The following APIP variants were observed in gnomAD, a reference collection of about 807,000 sequenced individuals.
APIP encodes the protein methylthioribulose-1-phosphate dehydratase.
A neutral mutation model predicts 32.0 loss-of-function variants in APIP; 32 were observed. The observed-to-expected ratio is 1.00, with a 90% CI of 0.76 to 1.34. The LOEUF is 1.34. Among genes scored for constraint, APIP ranks in the 40% most tolerant of loss-of-function variants. The pLI is 0.00. For missense variants in APIP, 247 were observed against 298.6 expected, an observed-to-expected ratio of 0.83 and a Z score of 1.27; for synonymous variants, 92 against 94.8, an observed-to-expected ratio of 0.97 and a Z score of 0.17.
At chr11:34,913,723 A>G (rs2133926688) in intron 1 of APIP, among the ~76,000 whole-genome samples, 1 of 152,258 alleles carries the variant, frequency 6.6e-6, no homozygotes, top group South Asian at 2.1e-4. Context: ...GCCAGCTTTT[A>G]TTCCCTTATT....
intron 1 of APIP, among the ~76,000 whole-genome samples, chr11:34,898,802 T>G (rs1853327984): frequency 1.5e-5 from 2 of 129,740 alleles, no homozygotes; most frequent in African/African-American, 5.9e-5. Flanking sequence ...TTTTTTTTTT[T>G]TTTTTTTTTT....
chr11:34,887,014 C>T (rs1853084503), intron 5 of APIP, among the ~76,000 whole-genome samples: 1 of 152,080 alleles, frequency 6.6e-6, no homozygotes, highest in African/African-American at 2.4e-5. Flanking sequence ...ATTTTAAACT[C>T]CATCCTTTCT....
At chr11:34,907,680 T>C (rs1054681691) in intron 1 of APIP, among the ~76,000 whole-genome samples, 1 of 152,222 alleles carries the variant, frequency 6.6e-6, no homozygotes, top group African/African-American at 2.4e-5. Context: ...AATGTCAATA[T>C]TACTTTCCTA....
chr11:34,901,548 C>T (rs1322153849), intron 1 of APIP, among the ~76,000 whole-genome samples: 1 of 152,300 alleles, frequency 6.6e-6, no homozygotes, highest in Non-Finnish European at 1.5e-5. Context: ...CAGGCCTCCC[C>T]TCTTCCCATA....
chr11:34,895,816 C>A (rs2217478), intron 1 of APIP, among the ~76,000 whole-genome samples: 3 of 151,636 alleles, frequency 2.0e-5, no homozygotes, highest in African/African-American at 7.3e-5. Flanking sequence ...GAAAAAAGAG[C>A]CCACACCATT....
At chr11:34,897,409 A>C (rs990069179) in intron 1 of APIP, among the ~76,000 whole-genome samples, 2 of 152,250 alleles carry the variant, frequency 1.3e-5, no homozygotes, top group Non-Finnish European at 2.9e-5. Context: ...TCAGCATGAA[A>C]TCTGACACAA....
In APIP at chr11:34,909,010, C is replaced by T. The variant is rs533053303; in HGVS notation, c.57+7218G>A. 2.6e-4 allele frequency among the ~76,000 whole-genome samples: 40 copies of T among 152,052 alleles called. No homozygotes were observed. The South Asian group carries it at 3.5e-3, about 13-fold the overall frequency. On this transcript the variant is annotated intron_variant, in intron 1 of 6. Transcript: ENST00000395787. ...GAAACATTTGCACAGTGTCAGTAAA[C>T]GAAAGAGGCTGAAAGGCAGTGGTCA... is the stretch of plus-strand genomic sequence containing the variant.
intron 4 of APIP, 45 bp downstream of exon 4, chr11:34,888,707 C>T (rs770338613): frequency 1.5e-6 from 2 of 1,365,572 alleles, no homozygotes; most frequent in Admixed American, 2.5e-5. Context: ...TTTAGAGGAG[C>T]CTACTCTGCA....
At chr11:34,909,826 G>A (rs971525778) in intron 1 of APIP, among the ~76,000 whole-genome samples, 52 of 152,174 alleles carry the variant, frequency 3.4e-4, no homozygotes, top group Non-Finnish European at 1.8e-4. Flanking sequence ...TGGAGATCCT[G>A]AGCTCTAGTG....
At chr11:34,907,046 C>G (rs1356070652) in intron 1 of APIP, among the ~76,000 whole-genome samples, 1 of 152,160 alleles carries the variant, frequency 6.6e-6, no homozygotes, top group Admixed American at 6.5e-5. Context: ...TGTTGTTCCC[C>G]ACTTGATGTC....
intron 5 of APIP, among the ~76,000 whole-genome samples, chr11:34,884,302 C>T (rs1261094940): frequency 6.6e-6 from 1 of 152,104 alleles, no homozygotes; most frequent in African/African-American, 2.4e-5. Context: ...AAGTATTCTG[C>T]AATTGCTACT....
intron 1 of APIP, among the ~76,000 whole-genome samples, chr11:34,907,621 C>A (rs1853479522): frequency 6.6e-6 from 1 of 152,138 alleles, no homozygotes; most frequent in Admixed American, 6.5e-5. Context: ...TATATTTTAA[C>A]AAGAATTGAC....
chr11:34,906,833 T>C (rs1853467461), intron 1 of APIP, among the ~76,000 whole-genome samples: 1 of 152,252 alleles, frequency 6.6e-6, no homozygotes, highest in Admixed American at 6.5e-5. Flanking sequence ...GTCTTCTTTA[T>C]GGAATTGGTT....
intron 2 of APIP, among the ~76,000 whole-genome samples, chr11:34,893,899 C>T (rs2986424): frequency 0.6 from 91,352 of 151,992 alleles, 28,482 homozygotes; most frequent in East Asian, 0.74. Flanking sequence ...TATATATATT[C>T]AACAGCACAT....
At chr11:34,892,832 G>T (rs1853203940) in intron 2 of APIP, among the ~76,000 whole-genome samples, 1 of 152,008 alleles carries the variant, frequency 6.6e-6, no homozygotes, top group African/African-American at 2.4e-5. Context: ...AAATTTATTT[G>T]CCCTAAGCAT....
At chr11:34,916,021 C>T in intron 1 of APIP, 1 of 647,568 alleles carries the variant, frequency 1.5e-6, no homozygotes, top group Non-Finnish European at 2.6e-6. Context: ...TCGGAGCGCC[C>T]CGCCCGAGAC....
intron 1 of APIP, among the ~76,000 whole-genome samples, chr11:34,904,640 T>C (rs1163402180): frequency 3.3e-5 from 5 of 152,214 alleles, no homozygotes; most frequent in African/African-American, 7.2e-5. Flanking sequence ...CCCAGGAAAC[T>C]GGACCACCTC....
intron 2 of APIP, among the ~76,000 whole-genome samples, chr11:34,891,556 T>C (rs1853186862): frequency 6.6e-6 from 1 of 152,194 alleles, no homozygotes; most frequent in South Asian, 2.1e-4. Context: ...TGATGGCCTA[T>C]ATACCAAGCT....
chr11:34,912,624 T>C (rs966532937), intron 1 of APIP, among the ~76,000 whole-genome samples: 2 of 152,192 alleles, frequency 1.3e-5, no homozygotes, highest in Non-Finnish European at 2.9e-5. Context: ...GCTGCCAGCA[T>C]GGCTAGAATA....
Sources: gnomAD v4.1 joint callset for allele counts (sites outside exome capture counted in the v4.1 genomes callset) on GRCh38, gnomAD v4.1.1 for gene constraint, MANE v1.5 for transcripts, NCBI Gene and HGNC (gene_info 2026-07-23, HGNC 2026-07-21) for gene names.